SMCO4: variants seen among roughly 807,000 people sequenced by gnomAD.
SMCO4 encodes the protein single-pass membrane and coiled-coil domain-containing protein 4.
Under a neutral mutation model 3.6 loss-of-function variants are expected in SMCO4, and 4 were observed. The ratio of observed to expected loss-of-function variants is 1.11; its 90% CI spans 0.54 to 2.53. The LOEUF is 2.53. Ranked by LOEUF, SMCO4 falls within the 30% of genes most tolerant of loss-of-function variation. The probability of loss-of-function intolerance (pLI) is 0.02; values close to 1 mark genes in which losing one functional copy is unlikely to be tolerated. For missense variants in SMCO4, 70 were observed against 80.8 expected (o/e 0.87, Z 0.51); for synonymous variants, 36 against 35.3 (o/e 1.02, Z -0.07).
chr11:93,514,878 G>C (rs1948995279), intron 1 of SMCO4, among the ~76,000 whole-genome samples: 1 of 152,034 alleles, frequency 6.6e-6, no homozygotes, highest in Admixed American at 6.5e-5. Context: ...GCAGGGTTGG[G>C]GTAATTATCC....
At position 93,479,000 on chromosome 11, in the gene SMCO4, G is replaced by A. The variant is rs1031239743; in HGVS notation, c.*10C>T. ...TCCCTGCCGATGGGGTCCGCAGCCG[G>A]CTGCGGGGCTCACTCGGTGATGGTG... On this transcript the variant is annotated 3_prime_UTR_variant, in exon 3 of 3. Transcript: ENST00000298966. 1 of 1,596,472 alleles carries A rather than the reference G, an allele frequency of 6.3e-7. No homozygotes were observed. Among genetic ancestry groups the A allele is most frequent in the East Asian group, 2.2e-5 (1 of 44,480 alleles).
intron 1 of SMCO4, among the ~76,000 whole-genome samples, chr11:93,540,387 A>G (rs551647630): frequency 3.7e-4 from 56 of 152,214 alleles, no homozygotes; most frequent in South Asian, 6.2e-4. Context: ...CAGCAGGTTC[A>G]GTATTTACAC....
At chr11:93,497,658 G>C (rs11606262) in intron 2 of SMCO4, among the ~76,000 whole-genome samples, 18,658 of 151,428 alleles carry the variant, frequency 0.12, 1,377 homozygotes, top group Non-Finnish European at 0.17. Flanking sequence ...CAGATGGTTG[G>C]GGGGAACTGA....
chr11:93,494,264 A>G (rs1386736052), intron 2 of SMCO4, among the ~76,000 whole-genome samples: 2 of 152,252 alleles, frequency 1.3e-5, no homozygotes, highest in East Asian at 3.8e-4. Context: ...CGATGCATCT[A>G]AATTTCATAC....
At chr11:93,503,556 T>G (rs1268035677) in intron 1 of SMCO4, among the ~76,000 whole-genome samples, 2 of 152,182 alleles carry the variant, frequency 1.3e-5, no homozygotes, top group Non-Finnish European at 2.9e-5. Flanking sequence ...AGTCAAGAAT[T>G]GTGAGATAAA....
chr11:93,552,899 G>A, the SMCO4 span, among the ~76,000 whole-genome samples: 1 of 151,910 alleles, frequency 6.6e-6, no homozygotes, highest in African/African-American at 2.4e-5. Context: ...ATTATATACA[G>A]CCTGCTGGGT....
At chr11:93,493,175 CACTG>C (rs977053884) in intron 2 of SMCO4, among the ~76,000 whole-genome samples, 2 of 152,180 alleles carry the variant, frequency 1.3e-5, no homozygotes, top group Admixed American at 1.3e-4. Flanking sequence ...GGCTTTTGAG[CACTG>C]AAGACAAGGT....
intron 1 of SMCO4, among the ~76,000 whole-genome samples, chr11:93,501,549 C>T (rs1158066245): frequency 6.6e-6 from 1 of 152,190 alleles, no homozygotes; most frequent in Non-Finnish European, 1.5e-5. Flanking sequence ...CCTCTTGGCA[C>T]ACTGCCTTCT....
chr11:93,522,875 T>C (rs994908641), intron 1 of SMCO4, among the ~76,000 whole-genome samples: 12 of 152,220 alleles, frequency 7.9e-5, no homozygotes, highest in African/African-American at 2.2e-4. Flanking sequence ...CAAGAATCCT[T>C]GTCTGTAGCC....
At chr11:93,517,236 C>T (rs1166936031) in intron 1 of SMCO4, among the ~76,000 whole-genome samples, 1 of 152,184 alleles carries the variant, frequency 6.6e-6, no homozygotes, top group Non-Finnish European at 1.5e-5. Flanking sequence ...TGAGACCACC[C>T]AAGCATGAAG....
intron 2 of SMCO4, among the ~76,000 whole-genome samples, chr11:93,495,140 C>G (rs551926881): frequency 1.3e-5 from 2 of 152,156 alleles, no homozygotes; most frequent in African/African-American, 4.8e-5. Context: ...GCATCTCTTT[C>G]AAGACCCATC....
chr11:93,497,232 C>T (rs551812275), intron 2 of SMCO4, among the ~76,000 whole-genome samples: 2 of 152,108 alleles, frequency 1.3e-5, no homozygotes, highest in Non-Finnish European at 2.9e-5. Context: ...TAAACAATTC[C>T]ACATGGCAAT....
rs1474057494 is a variant in SMCO4, at chr11:93,479,031, C to T, written c.159G>A (p.Thr53=). The change falls in exon 3 of 3, where the codon ACG becomes ACA. Residue 53 remains threonine (T), a synonymous_variant. Transcript: ENST00000298966. Reference sequence around the variant, plus strand: ...GGGCTCACTCGGTGATGGTGGGGCGCGTGGCCACGTACACAAACACCACGA... The same window carrying T: ...GGGCTCACTCGGTGATGGTGGGGCGTGTGGCCACGTACACAAACACCACGA... ...LLIVVFVYVA[T]RPTITE 7.5e-6 allele frequency: 12 copies of T among 1,609,200 alleles called. No homozygotes were observed. The highest frequency in any genetic ancestry group is 5.3e-5 in the African/African-American group (4 of 74,902).
intron 2 of SMCO4, among the ~76,000 whole-genome samples, chr11:93,494,255 G>A (rs945673047): frequency 6.6e-6 from 1 of 152,142 alleles, no homozygotes; most frequent in Admixed American, 6.6e-5. Flanking sequence ...GGATATAGAC[G>A]ATGCATCTAA....
At chr11:93,510,532 C>G (rs1407065391) in intron 1 of SMCO4, among the ~76,000 whole-genome samples, 1 of 152,290 alleles carries the variant, frequency 6.6e-6, no homozygotes, top group East Asian at 1.9e-4. Flanking sequence ...CACAATCTCC[C>G]AATTGTCGAA....
At chr11:93,553,640 A>G in the SMCO4 span, among the ~76,000 whole-genome samples, 2 of 152,220 alleles carry the variant, frequency 1.3e-5, no homozygotes, top group African/African-American at 4.8e-5. Flanking sequence ...TTGTTATTCA[A>G]TGTGTTAATA....
In SMCO4 at chr11:93,542,252, C is replaced by A. The variant is rs1202924758; in HGVS notation, c.-154+1024G>T. Among the ~76,000 whole-genome samples, 3 of 152,206 alleles carry A rather than the reference C, an allele frequency of 2.0e-5. No homozygotes were observed. In the East Asian group the frequency reaches 5.8e-4, roughly 29 times the overall value. ...CGCAGACACTAGCAGGCCATGTCTT[C>A]CACCCTTGCCACCCTCGAGGCTGTG... On this transcript the variant is annotated intron_variant, in intron 1 of 2. Coordinates refer to ENST00000298966, the MANE Select transcript of SMCO4 (RefSeq NM_020179.3).
At chr11:93,553,917 T>A in the SMCO4 span, among the ~76,000 whole-genome samples, 1 of 152,206 alleles carries the variant, frequency 6.6e-6, no homozygotes, top group Non-Finnish European at 1.5e-5. Context: ...CTCCTTTCAA[T>A]AACCTGACAT....
At chr11:93,481,298 T>A (rs1019161295) in intron 2 of SMCO4, 1 of 247,038 alleles carries the variant, frequency 4.0e-6, no homozygotes, top group African/African-American at 2.3e-5. Context: ...AATGCATCTG[T>A]ACCCAGAGCT....
Sources: allele counts gnomAD v4.1 joint callset (sites outside exome capture counted in the v4.1 genomes callset), GRCh38; gene constraint gnomAD v4.1.1; transcripts MANE v1.5; gene names NCBI Gene and HGNC (gene_info 2026-07-23, HGNC 2026-07-21).